CISD1: variants seen among roughly 807,000 people sequenced by gnomAD.
CISD1 encodes the protein CDGSH iron sulfur domain 1, also known as CDGSH iron-sulfur domain-containing protein 1.
In CISD1, 8 loss-of-function variants were observed where a neutral mutation model predicts 12.0. The ratio of observed to expected loss-of-function variants is 0.67; its 90% CI spans 0.39 to 1.20. The LOEUF (loss-of-function observed/expected upper bound fraction) is 1.20. Ranked by LOEUF, CISD1 falls within the 50% of genes most tolerant of loss-of-function variation. The probability of loss-of-function intolerance (pLI) is 0.01; values close to 1 mark genes in which losing one functional copy is unlikely to be tolerated. For missense variants in CISD1, 107 were observed against 132.7 expected (o/e 0.81, Z 0.95); for synonymous variants, 38 against 42.2 (o/e 0.90, Z 0.39).
chr10:58,287,626 GATC>G lies in CISD1; in HGVS notation c.308_310del (p.Ile103del). On this transcript the variant is annotated inframe_deletion, in exon 3 of 3. Coordinates refer to ENST00000333926, the MANE Select transcript of CISD1 (RefSeq NM_018464.5). Reference sequence around the variant, plus strand: ...AGACTGGAGACAATGTGGGCCCTCTGATCATCAAGAAAAAAGAAACTTAAATGG... The same window carrying G: ...AGACTGGAGACAATGTGGGCCCTCTGATCAAGAAAAAAGAAACTTAAATGG... 2.5e-6 allele frequency: 4 copies of G among 1,609,454 alleles called. No homozygotes were observed. Among genetic ancestry groups the G allele is most frequent in the Non-Finnish European group, 3.4e-6 (4 of 1,177,226 alleles).
chr10:58,275,048 ATATGT>A, intron 1 of CISD1, among the ~76,000 whole-genome samples: 1 of 152,318 alleles, frequency 6.6e-6, no homozygotes, highest in Non-Finnish European at 1.5e-5. Flanking sequence ...CATCAAACAA[ATATGT>A]TATGAAGTAC....
chr10:58,271,088 G>A (rs1036532774), intron 1 of CISD1, among the ~76,000 whole-genome samples: 11 of 145,326 alleles, frequency 7.6e-5, no homozygotes, highest in Non-Finnish European at 4.5e-5. Flanking sequence ...CGCCCAGGCT[G>A]GAGTGCAGTG....
intron 2 of CISD1, among the ~76,000 whole-genome samples, chr10:58,285,972 G>A (rs1227650909): frequency 3.3e-5 from 5 of 152,046 alleles, no homozygotes; most frequent in South Asian, 2.1e-4. Context: ...TTGGGAGGCC[G>A]AGGCAGGCGG....
At chr10:58,287,108 A>G (rs1839437051) in intron 2 of CISD1, among the ~76,000 whole-genome samples, 1 of 152,088 alleles carries the variant, frequency 6.6e-6, no homozygotes, top group Admixed American at 6.5e-5. Flanking sequence ...TTTAGTAGAG[A>G]CAGGGTTTCA....
At chr10:58,271,706 C>T (rs768349085) in intron 1 of CISD1, among the ~76,000 whole-genome samples, 6 of 151,736 alleles carry the variant, frequency 4.0e-5, no homozygotes, top group Non-Finnish European at 7.4e-5. Flanking sequence ...AAAGTGTGTA[C>T]GTGTATGCAG....
chr10:58,269,455 C>T (rs1001420863), intron 1 of CISD1, 151 bp downstream of exon 1: 5 of 709,996 alleles, frequency 7.0e-6, no homozygotes, highest in Non-Finnish European at 9.3e-6. Context: ...CGGCTGCGGG[C>T]TCCGGGCCGG....
chr10:58,277,337 T>C lies in CISD1; in HGVS notation c.237+15T>C. The stretch of plus-strand genomic sequence containing the variant: ...GGTCCAAAAAGGTGAGGAAAGCAAT[T>C]CCTTCATACAGTACCATTTTTAATG... On this transcript the variant is annotated intron_variant, in intron 2 of 2. Transcript: ENST00000333926. 1 of 1,514,614 alleles carries C rather than the reference T, an allele frequency of 6.6e-7. No individual in the cohort carries two copies. Among genetic ancestry groups the C allele is most frequent in the Non-Finnish European group, 9.0e-7 (1 of 1,115,136 alleles). The allele number at this position is 1,514,614 out of a possible 1,614,324, so 93.8% of individuals were successfully genotyped here. A position where few individuals can be genotyped will look rare whatever the true frequency, so the allele number is the denominator to read the frequency against.
rs869035721 is a variant in CISD1, at chr10:58,271,254, TG to T, written c.31+1952del. ...CGGGGTTTCACCGTTTTAGCCGGGA[TG>T]GCTCTCGATCTCCTGACCTCGTGAT... is the stretch of plus-strand genomic sequence containing the variant. On this transcript the variant is annotated intron_variant, in intron 1 of 2. Coordinates refer to ENST00000333926, the MANE Select transcript of CISD1 (RefSeq NM_018464.5). 0.028 allele frequency among the ~76,000 whole-genome samples: 3 copies of T among 108 alleles called. No individual in the cohort carries two copies. The East Asian group carries it at 0.38, about 13-fold the overall frequency. 0.1% of individuals were successfully genotyped at this position (108 alleles called of 152,430 possible). A position where few individuals can be genotyped will look rare whatever the true frequency, so the allele number is the denominator to read the frequency against.
chr10:58,287,985 A>G lies in CISD1; in HGVS notation c.*335A>G, dbSNP rs913371723. On this transcript the variant is annotated 3_prime_UTR_variant, in exon 3 of 3. Transcript: ENST00000333926. ...AAGTCAACATATTAAATTATTCTCA[A>G]AATTATGTATTTGCAGATTGTACTT... is the stretch of plus-strand genomic sequence containing the variant. 1 of 180,306 alleles carries G rather than the reference A, an allele frequency of 5.5e-6. No homozygotes were observed. The highest frequency in any genetic ancestry group is 1.1e-5 in the Non-Finnish European group (1 of 86,984). The allele number at this position is 180,306 out of a possible 1,614,324, so 11.2% of individuals were successfully genotyped here. A position where few individuals can be genotyped will look rare whatever the true frequency, so the allele number is the denominator to read the frequency against.
At chr10:58,284,925 CA>C (rs1464529112) in intron 2 of CISD1, among the ~76,000 whole-genome samples, 1 of 152,162 alleles carries the variant, frequency 6.6e-6, no homozygotes, top group Non-Finnish European at 1.5e-5. Flanking sequence ...AGAGTCTTTA[CA>C]ATGTAAACTT....
intron 1 of CISD1, chr10:58,276,280 G>T (rs1588980665): frequency 6.6e-6 from 1 of 152,002 alleles, no homozygotes; most frequent in South Asian, 2.1e-4. Context: ...TAGATGGCTT[G>T]TTAGTCAGTT....
chr10:58,269,328 T>C (rs1223164878), intron 1 of CISD1, 24 bp downstream of exon 1: 1 of 1,599,818 alleles, frequency 6.3e-7, no homozygotes, highest in Non-Finnish European at 8.5e-7. Flanking sequence ...TGGGAGCGGG[T>C]GAGGCTGGTG....
chr10:58,284,636 G>T (rs546995553), intron 2 of CISD1, among the ~76,000 whole-genome samples: 6 of 152,184 alleles, frequency 3.9e-5, no homozygotes, highest in Admixed American at 1.3e-4. Flanking sequence ...GCAGAATTGG[G>T]TGATGAGAAA....
At chr10:58,271,043 A>ATTTT (rs775206917) in intron 1 of CISD1, among the ~76,000 whole-genome samples, 4 of 128,760 alleles carry the variant, frequency 3.1e-5, no homozygotes, top group African/African-American at 1.0e-4. Context: ...TGCCATGACT[A>ATTTT]TTTTTTTTTT....
intron 1 of CISD1, among the ~76,000 whole-genome samples, chr10:58,274,945 A>G (rs926897392): frequency 1.3e-5 from 2 of 152,196 alleles, no homozygotes; most frequent in Non-Finnish European, 2.9e-5. Context: ...AGAAATTCCT[A>G]TAGTATTCTC....
At chr10:58,280,886 T>C (rs960041494) in intron 2 of CISD1, among the ~76,000 whole-genome samples, 2 of 152,190 alleles carry the variant, frequency 1.3e-5, no homozygotes, top group African/African-American at 4.8e-5. Flanking sequence ...GCAATTGCCA[T>C]TTTGGTGTCA....
chr10:58,286,268 A>G (rs1459512726), intron 2 of CISD1, among the ~76,000 whole-genome samples: 1 of 152,052 alleles, frequency 6.6e-6, no homozygotes, highest in Non-Finnish European at 1.5e-5. Flanking sequence ...AAAACACTGA[A>G]ATGTTTAAAA....
chr10:58,273,050 T>C (rs79355309), intron 1 of CISD1, among the ~76,000 whole-genome samples: 7,513 of 152,232 alleles, frequency 0.049, 448 homozygotes, highest in East Asian at 0.31. Context: ...CATAATAAAG[T>C]TTTTTTAAAA....
At chr10:58,271,425 C>T (rs1460758649) in intron 1 of CISD1, among the ~76,000 whole-genome samples, 2 of 152,142 alleles carry the variant, frequency 1.3e-5, no homozygotes, top group African/African-American at 2.4e-5. Flanking sequence ...TCTCTTCTAC[C>T]AACATTTTCC....
Sources: gnomAD v4.1 joint callset for allele counts (sites outside exome capture counted in the v4.1 genomes callset) on GRCh38, gnomAD v4.1.1 for gene constraint, MANE v1.5 for transcripts, NCBI Gene and HGNC (gene_info 2026-07-23, HGNC 2026-07-21) for gene names.